The following CSMD3 variants were observed in gnomAD, a reference collection of about 807,000 sequenced individuals.
The protein encoded by CSMD3 is CUB and sushi domain-containing protein 3.
CSMD3 carries 177 observed loss-of-function variants against 435.2 expected under a neutral mutation model. The ratio of observed to expected loss-of-function variants is 0.41; its 90% CI spans 0.36 to 0.46. The LOEUF (loss-of-function observed/expected upper bound fraction) is 0.46. CSMD3 is among the 20% of genes least tolerant of loss of function. CSMD3 has a pLI of 0.34. For synonymous variants in CSMD3, 1,656 were observed against 1,520.5 expected (o/e 1.09, Z -2.07); for missense variants, 4,265 against 4,504.6 (o/e 0.95, Z 1.52).
At chr8:112,510,317 G>A (rs1008088081) in intron 28 of CSMD3, among the ~76,000 whole-genome samples, 5 of 152,118 alleles carry the variant, frequency 3.3e-5, no homozygotes, top group Admixed American at 3.3e-4. Context: ...TTCCCATACA[G>A]CCTTCATGAT....
rs2076094026 is a variant in CSMD3 at position 112,689,883 on chromosome 8, T to C, written c.2140A>G (p.Ile714Val). Residue 714 changes from isoleucine (I) to valine (V), a missense_variant, in exon 14 of 71, where the codon ATA (isoleucine) becomes GTA (valine). Transcript: ENST00000297405. The stretch of plus-strand genomic sequence containing the variant: ...TGGTACTCACAGATACAGATGGGTA[T>C]GTTTGCAGACCATTGGTTATTCTCT... ...CQENNQWSAN[I>V]PICIFPCLSN... 6.2e-7 allele frequency: 1 copy of C among 1,613,124 alleles called. No individual in the cohort carries two copies. Among genetic ancestry groups the C allele is most frequent in the Non-Finnish European group, 8.5e-7 (1 of 1,179,380 alleles).
At chr8:112,442,991 T>G (rs952068844) in intron 32 of CSMD3, among the ~76,000 whole-genome samples, 1 of 151,918 alleles carries the variant, frequency 6.6e-6, no homozygotes, top group African/African-American at 2.4e-5. Flanking sequence ...TTTTTGGGGG[T>G]CTCTAGGGTG....
intron 27 of CSMD3, among the ~76,000 whole-genome samples, chr8:112,545,514 A>C (rs993627873): frequency 2.7e-4 from 40 of 146,908 alleles, no homozygotes; most frequent in Non-Finnish European, 5.5e-4. Context: ...TAATAATAAT[A>C]ATAATAATAA....
rs76832904 is a variant in CSMD3, at chr8:112,446,400, C to T, written c.5395+26191G>A. Among the ~76,000 whole-genome samples the T allele has an allele frequency of 6.1e-3, 930 of 152,330 alleles. 4 individuals are homozygous for T. The highest frequency in any genetic ancestry group is 0.024 in the Middle Eastern group (7 of 294). On this transcript the variant is annotated intron_variant, in intron 32 of 70. Coordinates refer to ENST00000297405, the MANE Select transcript of CSMD3 (RefSeq NM_198123.2). ...ACATTATATAGGATTTATAAATCAG[C>T]TGACTCTCAAACTTAAATGCACATA...
At chr8:112,719,561 G>A (rs1054428655) in intron 13 of CSMD3, among the ~76,000 whole-genome samples, 2 of 152,048 alleles carry the variant, frequency 1.3e-5, no homozygotes, top group African/African-American at 2.4e-5. Flanking sequence ...AGAGACAGAC[G>A]GAGATTTCAC....
chr8:113,364,139 A>C (rs748771610), intron 1 of CSMD3, among the ~76,000 whole-genome samples: 1 of 152,156 alleles, frequency 6.6e-6, no homozygotes, highest in Non-Finnish European at 1.5e-5. Flanking sequence ...TTTTATGACT[A>C]TAATTGTTCT....
Position 112,975,975 on chromosome 8 carries a change from T to C in CSMD3, c.1204A>G (p.Arg402Gly). 6.2e-7 allele frequency: 1 copy of C among 1,614,044 alleles called. No individual in the cohort carries two copies. Among genetic ancestry groups the C allele is most frequent in the Non-Finnish European group, 8.5e-7 (1 of 1,179,964 alleles). ...EEQRVQVTSL[R>G]NSGLDPNTSK... is the part of the protein sequence containing the mutation. The stretch of plus-strand genomic sequence containing the variant: ...GTGTTGGGGTCCAGACCTGAATTTC[T>C]GAGACTCGTAACTTGCACTCGCTGT... The change falls in exon 7 of 71, where the codon AGA becomes GGA. Residue 402 changes from arginine (R) to glycine (G), a missense_variant. By Grantham distance (125) the Arg-to-Gly change is moderately radical. Coordinates refer to ENST00000297405, the MANE Select transcript of CSMD3 (RefSeq NM_198123.2).
At chr8:113,363,462 T>C (rs1223961334) in intron 1 of CSMD3, among the ~76,000 whole-genome samples, 2 of 152,200 alleles carry the variant, frequency 1.3e-5, no homozygotes, top group African/African-American at 4.8e-5. Flanking sequence ...AATTCTGCTC[T>C]TTCCCTGTTC....
intron 10 of CSMD3, among the ~76,000 whole-genome samples, chr8:112,889,157 C>T (rs933396494): frequency 4.0e-5 from 6 of 151,626 alleles, no homozygotes; most frequent in East Asian, 2.0e-4. Context: ...GCTGCCCCTA[C>T]GTTTTTCACA....
chr8:112,996,844 A>T (rs144767063), intron 6 of CSMD3, among the ~76,000 whole-genome samples: 2 of 151,818 alleles, frequency 1.3e-5, no homozygotes, highest in African/African-American at 4.8e-5. Flanking sequence ...AATTCTGAAA[A>T]ATACCAATCA....
At chr8:112,345,905 C>T (rs1336884549) in intron 41 of CSMD3, among the ~76,000 whole-genome samples, 192 bp downstream of exon 41, 2 of 151,852 alleles carry the variant, frequency 1.3e-5, no homozygotes, top group Non-Finnish European at 2.9e-5. Context: ...TATCCAAGTA[C>T]TCCAAGTGAA....
intron 22 of CSMD3, among the ~76,000 whole-genome samples, chr8:112,613,491 AAAT>A (rs1273387385): frequency 6.6e-6 from 1 of 152,178 alleles, no homozygotes; most frequent in African/African-American, 2.4e-5. Context: ...AACTCAATAA[AAAT>A]AATAATCACA....
At chr8:112,664,891 T>TA (rs1025416476) in intron 17 of CSMD3, among the ~76,000 whole-genome samples, 2 of 152,154 alleles carry the variant, frequency 1.3e-5, no homozygotes, top group African/African-American at 4.8e-5. Context: ...TTTTGTTTTT[T>TA]ATCTCATGCA....
intron 4 of CSMD3, among the ~76,000 whole-genome samples, chr8:113,144,389 C>T (rs2091622805): frequency 6.6e-6 from 1 of 151,326 alleles, no homozygotes; most frequent in South Asian, 2.1e-4. Context: ...GGCCATAGAG[C>T]AGACAGGCAT....
At chr8:112,460,661 A>G (rs1817358790) in intron 32 of CSMD3, among the ~76,000 whole-genome samples, 1 of 152,166 alleles carries the variant, frequency 6.6e-6, no homozygotes, top group South Asian at 2.1e-4. Flanking sequence ...TTACAATAAA[A>G]TAAATATTAT....
intron 3 of CSMD3, among the ~76,000 whole-genome samples, chr8:113,183,051 G>A (rs1055267693): frequency 1.3e-5 from 2 of 151,954 alleles, no homozygotes; most frequent in African/African-American, 2.4e-5. Context: ...AGATCCTGCC[G>A]GACAGAGATT....
intron 4 of CSMD3, among the ~76,000 whole-genome samples, chr8:113,144,659 A>G (rs1173994162): frequency 6.6e-6 from 1 of 151,464 alleles, no homozygotes; most frequent in African/African-American, 2.4e-5. Context: ...TGTGCCCCCT[A>G]GTAAGCAATA....
chr8:113,404,155 T>G (rs999748732), intron 1 of CSMD3, among the ~76,000 whole-genome samples: 16 of 151,508 alleles, frequency 1.1e-4, no homozygotes, highest in Admixed American at 5.9e-4. Context: ...CTTTTAAAAA[T>G]CCATAGCTCT....
At chr8:112,356,142 T>C (rs11778806) in intron 38 of CSMD3, among the ~76,000 whole-genome samples, 59,476 of 151,934 alleles carry the variant, frequency 0.39, 13,242 homozygotes, top group Middle Eastern at 0.53. Flanking sequence ...TCAAGGAACT[T>C]AGAACTACCA....
Sources: allele counts gnomAD v4.1 joint callset (sites outside exome capture counted in the v4.1 genomes callset), GRCh38; gene constraint gnomAD v4.1.1; transcripts MANE v1.5; gene names NCBI Gene and HGNC (gene_info 2026-07-23, HGNC 2026-07-21).